The following OSBPL5 variants were observed in gnomAD, a reference collection of about 807,000 sequenced individuals.
OSBPL5 encodes oxysterol-binding protein-related protein 5.
A neutral mutation model predicts 111.2 loss-of-function variants in OSBPL5; 71 were observed. That is an observed-to-expected ratio of 0.64 (90% confidence interval 0.53 to 0.78). The LOEUF is 0.78. Among genes scored for constraint, OSBPL5 ranks in the 30% least tolerant of loss-of-function variants. The pLI is 0.00. For missense variants in OSBPL5, 1,210 were observed against 1,189.3 expected (o/e 1.02, Z -0.26); for synonymous variants, 549 against 513.9 (o/e 1.07, Z -0.93).
chr11:3,129,663 G>A (rs1858758370), intron 1 of OSBPL5, among the ~76,000 whole-genome samples: 1 of 152,184 alleles, frequency 6.6e-6, no homozygotes, highest in South Asian at 2.1e-4. Flanking sequence ...GGCAGTCCGG[G>A]AGCCTGGCCT....
At chr11:3,103,704 GTACCCCCTTC>G (rs1564829475) in intron 10 of OSBPL5, among the ~76,000 whole-genome samples, 1 of 122,744 alleles carries the variant, frequency 8.1e-6, no homozygotes, top group Non-Finnish European at 1.7e-5. Context: ...TCCAGCCTGC[GTACCCCCTTC>G]CAGGCTCTGC....
At chr11:3,138,457 C>T (rs563182465) in intron 1 of OSBPL5, among the ~76,000 whole-genome samples, 4 of 152,286 alleles carry the variant, frequency 2.6e-5, no homozygotes, top group Non-Finnish European at 4.4e-5. Context: ...GAGTGGGGGC[C>T]GTCACTTGGA....
intron 1 of OSBPL5, among the ~76,000 whole-genome samples, chr11:3,136,492 T>A (rs1490141557): frequency 6.6e-6 from 1 of 152,246 alleles, no homozygotes; most frequent in Non-Finnish European, 1.5e-5. Flanking sequence ...TCATTCCGCA[T>A]CCTTCCTGTG....
chr11:3,103,329 G>GGGCA lies in OSBPL5; in HGVS notation c.1245-13_1245-10dup. 1 of 1,600,100 alleles carries GGGCA rather than the reference G, an allele frequency of 6.2e-7. No homozygotes were observed. The highest frequency in any genetic ancestry group is 8.5e-7 in the Non-Finnish European group (1 of 1,172,766). The stretch of plus-strand genomic sequence containing the variant: ...CCTCCTCCACCGCAGCCCTGCCATG[G>GGGCA]GGCAGGAGAACGCTGACCCCAGCTC... On this transcript the variant is annotated splice_polypyrimidine_tract_variant and intron_variant, in intron 10 of 21. Transcript: ENST00000263650.
intron 19 of OSBPL5, 153 bp from the exon 20 acceptor site, chr11:3,090,849 T>A: frequency 1.0e-6 from 1 of 996,258 alleles, no homozygotes. Flanking sequence ...TGGAGGGGTC[T>A]GTCTCAGCCC....
At chr11:3,144,373 G>C (rs1846263404) in intron 1 of OSBPL5, among the ~76,000 whole-genome samples, 1 of 152,220 alleles carries the variant, frequency 6.6e-6, no homozygotes, top group Non-Finnish European at 1.5e-5. Flanking sequence ...AGAAACGCTG[G>C]CAGCGGTGGA....
rs1375061227 is a variant in OSBPL5, at chr11:3,113,155, A to C, written c.692-5210T>G. Among the ~76,000 whole-genome samples the C allele has an allele frequency of 6.6e-6, 1 of 152,238 alleles. No homozygotes were observed. Among genetic ancestry groups the C allele is most frequent in the East Asian group, 1.9e-4 (1 of 5,204 alleles). On this transcript the variant is annotated intron_variant, in intron 7 of 21. Transcript: ENST00000263650. This position sits in a 1 kb window ranked among gnomAD's most constrained non-coding sequence, Gnocchi z 4.8. ...GAAAAGACAAGTCAAATGCTTTTTC[A>C]AGTTTATGTAACTTAAATAAAATCT...
intron 1 of OSBPL5, among the ~76,000 whole-genome samples, chr11:3,136,736 C>G (rs1446345720): frequency 6.6e-6 from 1 of 152,246 alleles, no homozygotes; most frequent in East Asian, 1.9e-4. Flanking sequence ...CCCCTCCACG[C>G]CTATGTGGCT....
chr11:3,160,713 C>T (rs1325072103), intron 1 of OSBPL5, among the ~76,000 whole-genome samples: 3 of 148,818 alleles, frequency 2.0e-5, no homozygotes, highest in African/African-American at 4.9e-5. Context: ...GCCGTATTCA[C>T]CCCAATAGCA....
At chr11:3,103,913 T>TGCCTCTGCAGCCCCCTTCCA (rs1857605494) in intron 10 of OSBPL5, among the ~76,000 whole-genome samples, 1 of 136,822 alleles carries the variant, frequency 7.3e-6, no homozygotes, top group Admixed American at 7.4e-5. Flanking sequence ...GCCCCCTTCC[T>TGCCTCTGCAGCCCCCTTCCA]GCCTCTGCAG....
rs545100723 is a variant in OSBPL5, at chr11:3,149,305, G to A, written c.-22+15911C>T. 2.6e-5 allele frequency among the ~76,000 whole-genome samples: 4 copies of A among 152,328 alleles called. No homozygotes were observed. In the East Asian group the frequency reaches 7.7e-4, roughly 29 times the overall value. On this transcript the variant is annotated intron_variant, in intron 1 of 21. Transcript: ENST00000263650. ...GCTGTCTTCTGTTCCTACAGGCATG[G>A]GCTGGGGGGGCAGTCGCCCTTTGGG... is the stretch of plus-strand genomic sequence containing the variant.
At chr11:3,101,762 C>T in intron 12 of OSBPL5, 63 bp from the exon 13 acceptor site, 1 of 1,358,904 alleles carries the variant, frequency 7.4e-7, no homozygotes, top group Non-Finnish European at 1.0e-6. Flanking sequence ...GAAGCGAGAG[C>T]CCAGCTTCCC....
intron 3 of OSBPL5, among the ~76,000 whole-genome samples, chr11:3,123,090 A>T (rs1858481045): frequency 6.6e-6 from 1 of 152,182 alleles, no homozygotes; most frequent in Admixed American, 6.5e-5. Flanking sequence ...CCGTGGGCAG[A>T]GGTCACTGTC....
intron 1 of OSBPL5, among the ~76,000 whole-genome samples, chr11:3,131,345 GCATC>G (rs138987221): frequency 0.011 from 1,657 of 150,714 alleles, 32 homozygotes; most frequent in African/African-American, 0.039. Context: ...TCCCTTCCAG[GCATC>G]CATCCATCCA....
Position 3,097,870 on chromosome 11 carries a change from C to A in OSBPL5, c.1621+2288G>T, listed in dbSNP as rs1202980008. Among the ~76,000 whole-genome samples, 5 of 152,160 alleles carry A rather than the reference C, an allele frequency of 3.3e-5. No homozygotes were observed. The East Asian group carries it at 5.8e-4, about 18-fold the overall frequency. ...TCACCCGAGGTCAGGAGTTTGAGAC[C>A]AGCCTGGCCAACACGGTGAAACCCC... On this transcript the variant is annotated intron_variant, in intron 14 of 21. Coordinates refer to ENST00000263650, the MANE Select transcript of OSBPL5 (RefSeq NM_020896.4).
Position 3,113,073 on chromosome 11 carries a change from A to C in OSBPL5, c.692-5128T>G, listed in dbSNP as rs1226936365. Among the ~76,000 whole-genome samples, 1 of 152,220 alleles carries C rather than the reference A, an allele frequency of 6.6e-6. No homozygotes were observed. The highest frequency in any genetic ancestry group is 1.5e-5 in the Non-Finnish European group (1 of 68,030). The stretch of plus-strand genomic sequence containing the variant: ...TACTGAAAATATATAAAAGGGCTCT[A>C]ATTGATTGGCTTAAGAAAGTAAATG... On this transcript the variant is annotated intron_variant, in intron 7 of 21. Coordinates refer to ENST00000263650, the MANE Select transcript of OSBPL5 (RefSeq NM_020896.4). This position sits in a 1 kb window ranked among gnomAD's most constrained non-coding sequence, Gnocchi z 4.8.
intron 1 of OSBPL5, among the ~76,000 whole-genome samples, chr11:3,153,540 G>C (rs1846655327): frequency 6.6e-6 from 1 of 152,170 alleles, no homozygotes; most frequent in Admixed American, 6.5e-5. Flanking sequence ...CAAGCTGCGG[G>C]GGCTGATGAC....
At chr11:3,133,695 C>G (rs949287867) in intron 1 of OSBPL5, among the ~76,000 whole-genome samples, 3 of 152,250 alleles carry the variant, frequency 2.0e-5, no homozygotes, top group Non-Finnish European at 2.9e-5. Context: ...CATGGTGCTG[C>G]GTCCATCTCC....
chr11:3,152,898 C>T (rs959745197), intron 1 of OSBPL5, among the ~76,000 whole-genome samples: 7 of 152,112 alleles, frequency 4.6e-5, no homozygotes, highest in East Asian at 1.9e-4. Flanking sequence ...TGGTACTTCC[C>T]GGGTCCTCCT....
Sources: allele counts gnomAD v4.1 joint callset (sites outside exome capture counted in the v4.1 genomes callset), GRCh38; gene constraint gnomAD v4.1.1; non-coding constraint Gnocchi (gnomAD v3.1); transcripts MANE v1.5; gene names NCBI Gene and HGNC (gene_info 2026-07-23, HGNC 2026-07-21).